Variants in ZNF343 observed in about 807,000 individuals in gnomAD.
The protein encoded by ZNF343 is zinc finger protein 343.
Under a neutral mutation model 13.8 loss-of-function variants are expected in ZNF343, and 11 were observed. The ratio of observed to expected loss-of-function variants is 0.80; its 90% CI spans 0.50 to 1.32. The LOEUF is 1.32. Ranked by LOEUF, ZNF343 falls within the 40% of genes most tolerant of loss-of-function variation. The pLI, the probability that ZNF343 is intolerant of heterozygous loss-of-function variation, is 0.00. For missense variants in ZNF343, 658 were observed against 714.2 expected (o/e 0.92, Z 0.90); for synonymous variants, 248 against 260.0 (o/e 0.95, Z 0.44).
At chr20:2,502,310 T>C (rs1038444153) in intron 1 of ZNF343, among the ~76,000 whole-genome samples, 6 of 152,136 alleles carry the variant, frequency 3.9e-5, no homozygotes, top group African/African-American at 9.7e-5. Flanking sequence ...TATGGGACTA[T>C]GTGAAAAGAC....
At chr20:2,514,847 A>G (rs1359316089) in intron 1 of ZNF343, among the ~76,000 whole-genome samples, 1 of 151,884 alleles carries the variant, frequency 6.6e-6, no homozygotes, top group African/African-American at 2.4e-5. Context: ...AATTTAGCCA[A>G]ATTTGGTGGC....
chr20:2,484,687 C>T (rs367708975), intron 5 of ZNF343, 31 bp from the exon 6 acceptor site: 8 of 1,555,236 alleles, frequency 5.1e-6, no homozygotes, highest in Non-Finnish European at 6.9e-6. Flanking sequence ...GTTAGAGTAG[C>T]CATAAGTAGG....
At chr20:2,505,619 G>A (rs1336400490) in intron 1 of ZNF343, among the ~76,000 whole-genome samples, 2 of 152,094 alleles carry the variant, frequency 1.3e-5, no homozygotes, top group Non-Finnish European at 2.9e-5. Context: ...ACAAAACAGA[G>A]CCCTCAGAAA....
At chr20:2,489,943 A>G (rs2085340096) in intron 5 of ZNF343, among the ~76,000 whole-genome samples, 1 of 151,844 alleles carries the variant, frequency 6.6e-6, no homozygotes, top group South Asian at 2.1e-4. Context: ...CTTAAGCCCA[A>G]GAGTTCGAGA....
Position 2,484,329 on chromosome 20 carries a change from A to G in ZNF343, c.632T>C (p.Val211Ala), listed in dbSNP as rs1159796264. 1 of 1,614,154 alleles carries G rather than the reference A, an allele frequency of 6.2e-7. No individual in the cohort carries two copies. The highest frequency in any genetic ancestry group is 1.7e-5 in the Admixed American group (1 of 60,026). The part of the protein sequence containing the change: ...SASPRKGNMV[V>A]ETEPSSAQRP... ...TTGGGCTGAGCTGGGCTCTGTTTCT[A>G]CCACCATGTTGCCTTTTCTAGGACT... Residue 211 changes from valine to alanine, a missense_variant, in exon 6 of 6, where the codon GTA (valine) becomes GCA (alanine). Transcript: ENST00000278772.
At chr20:2,513,255 A>G (rs1051209456), upstream of ZNF343, among the ~76,000 whole-genome samples, 1 of 152,204 alleles carries the variant, frequency 6.6e-6, no homozygotes, top group Non-Finnish European at 1.5e-5. Flanking sequence ...GATTTCTATG[A>G]CTCAATAACA....
Position 2,490,493 on chromosome 20 carries a change from G to A in ZNF343, c.304+2206C>T, listed in dbSNP as rs141046119. Among the ~76,000 whole-genome samples, 1,406 of 151,746 alleles carry A rather than the reference G, an allele frequency of 9.3e-3. 10 individuals are homozygous for A. The highest frequency in any genetic ancestry group is 0.014 in the Non-Finnish European group (929 of 67,900). ...TTTGAACTAGGTCATTTGTTTGTGT[G>A]TGTGTTTGTTTGTTTGTTTGCTGTT... is the stretch of plus-strand genomic sequence containing the variant. On this transcript the variant is annotated intron_variant, in intron 5 of 5. Transcript: ENST00000278772.
intron 5 of ZNF343, among the ~76,000 whole-genome samples, chr20:2,489,085 A>G (rs1356420900): frequency 6.6e-6 from 1 of 152,224 alleles, no homozygotes; most frequent in Non-Finnish European, 1.5e-5. Flanking sequence ...AGAAATTTGA[A>G]CACAGATTTC....
At chr20:2,489,059 A>AT (rs1424595823) in intron 5 of ZNF343, among the ~76,000 whole-genome samples, 3 of 152,172 alleles carry the variant, frequency 2.0e-5, no homozygotes, top group East Asian at 1.9e-4. Context: ...ATATATATAA[A>AT]TTTTTTTTAA....
At chr20:2,504,686 A>C (rs2085625659) in intron 1 of ZNF343, among the ~76,000 whole-genome samples, 1 of 152,250 alleles carries the variant, frequency 6.6e-6, no homozygotes, top group Non-Finnish European at 1.5e-5. Context: ...TATAAACAGA[A>C]CCAACGACAA....
intron 5 of ZNF343, chr20:2,486,813 C>T (rs1019551395): frequency 6.6e-6 from 1 of 151,830 alleles, no homozygotes; most frequent in African/African-American, 2.4e-5. Flanking sequence ...ATTGTGGACC[C>T]ACATCCTTAC....
intron 1 of ZNF343, among the ~76,000 whole-genome samples, chr20:2,516,148 T>C (rs557901635): frequency 1.3e-5 from 2 of 151,770 alleles, no homozygotes; most frequent in South Asian, 4.2e-4. Context: ...GCTGAGTGTT[T>C]GGTTCAGGTC....
rs1265166217 is a variant in ZNF343 at position 2,518,532 on chromosome 20, C to T, written c.-347+5923G>A. Among the ~76,000 whole-genome samples, 1 of 152,196 alleles carries T rather than the reference C, an allele frequency of 6.6e-6. No individual in the cohort carries two copies. Among genetic ancestry groups the T allele is most frequent in the African/African-American group, 2.4e-5 (1 of 41,428 alleles). ...ACTCCAAAATACACAATAGTACTCA[C>T]AAGTGCCAGACTCTAACTTCTGATT... On this transcript the variant is annotated intron_variant, in intron 1 of 6. Transcript: ENST00000358413. This position sits in a 1 kb window ranked among gnomAD's most constrained non-coding sequence, Gnocchi z 4.6.
chr20:2,498,585 G>A (rs559256153), intron 2 of ZNF343, among the ~76,000 whole-genome samples: 2 of 152,282 alleles, frequency 1.3e-5, no homozygotes, highest in African/African-American at 4.8e-5. Context: ...AGACTGAAAA[G>A]GTGAGCTGAG....
chr20:2,493,536 C>T lies in ZNF343; in HGVS notation c.160G>A (p.Gly54Arg), dbSNP rs758297770. The T allele has an allele frequency of 1.2e-6, 2 of 1,613,900 alleles. No homozygotes were observed. Among genetic ancestry groups the T allele is most frequent in the Admixed American group, 1.7e-5 (1 of 59,992 alleles). ...CAACTCACCACTATTTGGGCCTTTCCCTCCTTTTTCTGGGGGCAGTCAGTA... is the reference window on the plus strand; with the variant it reads ...CAACTCACCACTATTTGGGCCTTTCTCTCCTTTTTCTGGGGGCAGTCAGTA... ...NDTDCPQKKE[G>R]KAQIVVPVTF... Residue 54 changes from glycine to arginine, a missense_variant, in exon 4 of 6, where the codon GGA (glycine) becomes AGA (arginine). Transcript: ENST00000278772.
Position 2,484,606 on chromosome 20 carries a change from A to T in ZNF343, c.355T>A (p.Ser119Thr). Residue 119 changes from serine (S) to threonine (T), a missense_variant, in exon 6 of 6, where the codon TCC becomes ACC. Physicochemically the swap from Ser to Thr is moderately conservative, Grantham distance 58. Coordinates refer to ENST00000278772, the MANE Select transcript of ZNF343 (RefSeq NM_024325.6). ...YTCSSCLLAF[S>T]CQQFLSQHVL... is the part of the protein sequence containing the mutation. ...TGTTGACTGAGGAACTGCTGACAGG[A>T]GAAGGCCAGAAGGCAGGAGGAACAA... 1 of 1,611,056 alleles carries T rather than the reference A, an allele frequency of 6.2e-7. No homozygotes were observed. Among genetic ancestry groups the T allele is most frequent in the Non-Finnish European group, 8.5e-7 (1 of 1,178,438 alleles).
chr20:2,505,063 CA>C (rs2085632355), intron 1 of ZNF343, among the ~76,000 whole-genome samples: 1 of 152,186 alleles, frequency 6.6e-6, no homozygotes, highest in Non-Finnish European at 1.5e-5. Context: ...CCCATTGTCT[CA>C]GCCCAAAATC....
In ZNF343 at chr20:2,492,782, G is replaced by C. The variant is rs371302958; in HGVS notation, c.221C>G (p.Ala74Gly). The C allele has an allele frequency of 1.2e-6, 2 of 1,613,562 alleles. No individual in the cohort carries two copies. Among genetic ancestry groups the C allele is most frequent in the Non-Finnish European group, 1.7e-6 (2 of 1,179,942 alleles). ...CTCTGGACTCAGTCTCTTCCATTCT[G>C]CTTCTGTGAAGATCACAGTCACATC... Reference protein sequence around the residue: ...FRDVTVIFTEAEWKRLSPEQR... With the variant: ...FRDVTVIFTEGEWKRLSPEQR... The change falls in exon 5 of 6, where the codon GCA becomes GGA. Residue 74 changes from alanine (A) to glycine (G), a missense_variant. Coordinates refer to ENST00000278772, the MANE Select transcript of ZNF343 (RefSeq NM_024325.6).
chr20:2,520,748 A>C (rs1471338539), intron 1 of ZNF343, among the ~76,000 whole-genome samples: 1 of 152,168 alleles, frequency 6.6e-6, no homozygotes, highest in Admixed American at 6.5e-5. Flanking sequence ...GAACATGGGG[A>C]CTCGTCTTCT....
Sources: gnomAD v4.1 joint callset for allele counts (sites outside exome capture counted in the v4.1 genomes callset) on GRCh38, gnomAD v4.1.1 for gene constraint, Gnocchi (gnomAD v3.1) non-coding constraint, MANE v1.5 for transcripts, NCBI Gene and HGNC (gene_info 2026-07-23, HGNC 2026-07-21) for gene names.